HIRA: variants seen among roughly 807,000 people sequenced by gnomAD.
HIRA encodes histone cell cycle regulator.
In HIRA, 13 loss-of-function variants were observed where a neutral mutation model predicts 126.6. The ratio of observed to expected loss-of-function variants is 0.10; its 90% CI spans 0.07 to 0.16. The LOEUF (loss-of-function observed/expected upper bound fraction) is 0.16, where lower values mean the gene tolerates loss of function less well. HIRA is among the 10% of genes least tolerant of loss of function. The pLI is 1.00. For missense variants in HIRA, 834 were observed against 1,314.4 expected (o/e 0.63, Z 5.65); for synonymous variants, 511 against 520.0 (o/e 0.98, Z 0.24).
At chr22:19,380,255 A>C (rs1376728624) in intron 13 of HIRA, among the ~76,000 whole-genome samples, 1 of 152,242 alleles carries the variant, frequency 6.6e-6, no homozygotes, top group Non-Finnish European at 1.5e-5. Flanking sequence ...TTTAAATAAC[A>C]ATTTAAAAAG....
chr22:19,342,169 G>T (rs2088636515), intron 24 of HIRA, among the ~76,000 whole-genome samples: 1 of 151,880 alleles, frequency 6.6e-6, no homozygotes, highest in South Asian at 2.1e-4. Flanking sequence ...CTCAAAAGAA[G>T]ATATACAAAT....
chr22:19,395,401 G>T (rs2089214748), intron 7 of HIRA, among the ~76,000 whole-genome samples: 1 of 152,022 alleles, frequency 6.6e-6, no homozygotes, highest in South Asian at 2.1e-4. Flanking sequence ...CCTCCTGCTG[G>T]TACTCAAGAC....
intron 1 of HIRA, among the ~76,000 whole-genome samples, chr22:19,420,824 T>C (rs926130537): frequency 6.6e-6 from 1 of 152,202 alleles, no homozygotes; most frequent in African/African-American, 2.4e-5. Flanking sequence ...AAAACTGCAC[T>C]TACATCCCTT....
intron 11 of HIRA, 133 bp downstream of exon 11, chr22:19,387,578 G>A (rs1241992560): frequency 9.8e-6 from 6 of 613,314 alleles, no homozygotes; most frequent in Non-Finnish European, 1.7e-5. Context: ...TATAAAAGAT[G>A]AATACCCCAT....
chr22:19,357,221 T>G (rs1222698771), intron 18 of HIRA, among the ~76,000 whole-genome samples, 170 bp from the exon 19 acceptor site: 3 of 152,176 alleles, frequency 2.0e-5, no homozygotes, highest in African/African-American at 7.2e-5. Flanking sequence ...GTGGGGCTGT[T>G]GGAGCCTCCC....
chr22:19,361,249 T>C lies in HIRA; in HGVS notation c.2073A>G (p.Ala691=), dbSNP rs767433349. The C allele has an allele frequency of 6.2e-7, 1 of 1,613,926 alleles. No individual in the cohort carries two copies. The highest frequency in any genetic ancestry group is 8.5e-7 in the Non-Finnish European group (1 of 1,179,910). The part of the protein sequence containing the change: ...LKLPIPSPQR[A]FTLQVSSDPS... ...TCCTAGAACTTACCTGGAGGGTGAA[T>C]GCTCTCTGGGGGCTTGGAATTGGCA... is the stretch of plus-strand genomic sequence containing the variant. The change falls in exon 17 of 25, where the codon GCA becomes GCG. Residue 691 remains alanine, a synonymous_variant. Coordinates refer to ENST00000263208, the MANE Select transcript of HIRA (RefSeq NM_003325.4).
chr22:19,400,065 A>C (rs2089255156), intron 5 of HIRA, among the ~76,000 whole-genome samples: 1 of 152,252 alleles, frequency 6.6e-6, no homozygotes, highest in African/African-American at 2.4e-5. Context: ...AGGAGAAGGG[A>C]TTTTCTTAGC....
At chr22:19,426,543 C>G (rs2089489781) in intron 1 of HIRA, among the ~76,000 whole-genome samples, 1 of 152,224 alleles carries the variant, frequency 6.6e-6, no homozygotes, top group Non-Finnish European at 1.5e-5. Flanking sequence ...CCTCCTTGGG[C>G]TATCACGCTT....
chr22:19,356,382 C>T (rs1290602053), intron 19 of HIRA, 94 bp from the exon 20 acceptor site: 11 of 1,063,900 alleles, frequency 1.0e-5, no homozygotes, highest in Admixed American at 1.8e-5. Flanking sequence ...CTACTGCATG[C>T]GACCCTAACC....
At chr22:19,385,491 G>A (rs1184141655) in intron 12 of HIRA, 30 bp downstream of exon 12, 1 of 1,599,324 alleles carries the variant, frequency 6.3e-7, no homozygotes, top group Non-Finnish European at 8.6e-7. Flanking sequence ...ATATGTCCAT[G>A]TCTTTAGCGC....
At chr22:19,418,654 A>C (rs2089419276) in intron 1 of HIRA, among the ~76,000 whole-genome samples, 2 of 152,134 alleles carry the variant, frequency 1.3e-5, no homozygotes, top group East Asian at 1.9e-4. Context: ...AAAATATATA[A>C]AAATTGTTGG....
intron 5 of HIRA, among the ~76,000 whole-genome samples, chr22:19,398,608 T>C (rs1439665761): frequency 1.3e-5 from 2 of 152,236 alleles, no homozygotes; most frequent in African/African-American, 4.8e-5. Flanking sequence ...CCCTTCACTA[T>C]GGAGCCTCCA....
At chr22:19,408,614 T>C (rs747511956) in intron 2 of HIRA, 21 bp from the exon 3 acceptor site, 4 of 1,365,632 alleles carry the variant, frequency 2.9e-6, no homozygotes, top group Non-Finnish European at 4.2e-6. Flanking sequence ...GGAGCAGAAA[T>C]GGCTGAATGT....
chr22:19,354,987 GGT>G (rs1556012038), intron 21 of HIRA, among the ~76,000 whole-genome samples: 12 of 151,976 alleles, frequency 7.9e-5, no homozygotes, highest in African/African-American at 2.9e-4. Flanking sequence ...TGCCCAAGCT[GGT>G]CTCAAACTCA....
At chr22:19,347,350 A>G (rs2088698454) in intron 24 of HIRA, among the ~76,000 whole-genome samples, 1 of 152,258 alleles carries the variant, frequency 6.6e-6, no homozygotes, top group South Asian at 2.1e-4. Flanking sequence ...TGAACCCAGA[A>G]AAGCCAGATA....
intron 1 of HIRA, among the ~76,000 whole-genome samples, chr22:19,425,051 A>G (rs897217110): frequency 2.6e-4 from 39 of 152,142 alleles, no homozygotes; most frequent in African/African-American, 9.4e-4. Flanking sequence ...TCCTAGTCTC[A>G]AGGGCCAAAA....
rs5992396 is a variant in HIRA at position 19,387,975 on chromosome 22, G to C, written c.1008-159C>G. Among the ~76,000 whole-genome samples the C allele has an allele frequency of 0.021, 3,166 of 151,376 alleles. 126 individuals are homozygous for C. The highest frequency in any genetic ancestry group is 0.07 in the African/African-American group (2,864 of 41,208). On this transcript the variant is annotated intron_variant, in intron 10 of 24. Coordinates refer to ENST00000263208, the MANE Select transcript of HIRA (RefSeq NM_003325.4). ...TGGTTCCCTTCTTTGGCCTGGGCGG[G>C]GGGGGGAGGGGGCGACAATTGTATC...
intron 17 of HIRA, 110 bp downstream of exon 17, chr22:19,361,127 C>CT: frequency 1.2e-6 from 1 of 821,316 alleles, no homozygotes. Flanking sequence ...TGATGGAGAG[C>CT]CACTGGAAAC....
intron 1 of HIRA, among the ~76,000 whole-genome samples, chr22:19,418,349 G>A (rs111549865): frequency 6.3e-4 from 96 of 152,246 alleles, no homozygotes; most frequent in African/African-American, 2.1e-3. Flanking sequence ...TGTTGGCGGG[G>A]TGCGGTGGCT....
Sources: allele counts gnomAD v4.1 joint callset (sites outside exome capture counted in the v4.1 genomes callset), GRCh38; gene constraint gnomAD v4.1.1; transcripts MANE v1.5; gene names NCBI Gene and HGNC (gene_info 2026-07-23, HGNC 2026-07-21).